FGD4: variants seen among roughly 807,000 people sequenced by gnomAD.
FGD4 encodes the protein FYVE, RhoGEF and PH domain-containing protein 4.
In FGD4, 42 loss-of-function variants were observed where a neutral mutation model predicts 102.0. That is an observed-to-expected ratio of 0.41 (90% CI 0.32 to 0.53). The LOEUF is 0.53. FGD4 is among the 20% of genes least tolerant of loss of function. FGD4 has a pLI of 0.21. For synonymous variants in FGD4, 380 were observed against 375.7 expected, an observed-to-expected ratio of 1.01 and a Z score of -0.13; for missense variants, 902 against 1,078.2, an observed-to-expected ratio of 0.84 and a Z score of 2.29.
At chr12:32,456,978 C>T (rs922720772) in intron 1 of FGD4, among the ~76,000 whole-genome samples, 8 of 152,080 alleles carry the variant, frequency 5.3e-5, no homozygotes, top group Admixed American at 5.2e-4. Flanking sequence ...TCTGTGTTGA[C>T]AGGATGATAT....
chr12:32,430,035 C>T (rs185681916), intron 1 of FGD4, among the ~76,000 whole-genome samples: 60 of 151,978 alleles, frequency 3.9e-4, no homozygotes, highest in Non-Finnish European at 5.7e-4. Context: ...GGGCTGGGCG[C>T]GCTGGCTTAT....
At chr12:32,605,655 T>G (rs1341845372) in intron 7 of FGD4, among the ~76,000 whole-genome samples, 4 of 152,206 alleles carry the variant, frequency 2.6e-5, no homozygotes, top group Non-Finnish European at 1.5e-5. Flanking sequence ...TCCCAAGCAT[T>G]TTTCCATCTG....
intron 1 of FGD4, among the ~76,000 whole-genome samples, chr12:32,517,026 C>A (rs1939963785): frequency 6.6e-6 from 1 of 152,190 alleles, no homozygotes; most frequent in Non-Finnish European, 1.5e-5. Flanking sequence ...CAAAAAGTTC[C>A]TAGATGCTTA....
chr12:32,432,051 ATTTTT>A (rs60933809), intron 1 of FGD4, among the ~76,000 whole-genome samples: 2 of 107,710 alleles, frequency 1.9e-5, no homozygotes, highest in African/African-American at 3.2e-5. Flanking sequence ...TAATCCTAGC[ATTTTT>A]TTTTTTTTTT....
intron 1 of FGD4, among the ~76,000 whole-genome samples, chr12:32,419,302 A>G (rs1444869996): frequency 6.6e-6 from 1 of 152,194 alleles, no homozygotes; most frequent in East Asian, 1.9e-4. Context: ...GTGCTGGGTC[A>G]CACCTGAAGC....
chr12:32,583,781 G>C (rs1946796977), intron 4 of FGD4, among the ~76,000 whole-genome samples: 1 of 152,314 alleles, frequency 6.6e-6, no homozygotes. Context: ...ATCTGAAACA[G>C]TAAAGAAACA....
chr12:32,410,073 A>G (rs962543106), intron 1 of FGD4, among the ~76,000 whole-genome samples: 3 of 152,026 alleles, frequency 2.0e-5, no homozygotes, highest in African/African-American at 7.2e-5. Context: ...TCACGCCTAT[A>G]ATCCCAGCAC....
intron 2 of FGD4, among the ~76,000 whole-genome samples, chr12:32,573,337 C>A (rs1405068963): frequency 6.6e-6 from 1 of 151,652 alleles, no homozygotes; most frequent in Non-Finnish European, 1.5e-5. Flanking sequence ...CCTCATGATC[C>A]GCCCGCCTTG....
chr12:32,600,768 G>A (rs540470910), intron 5 of FGD4, among the ~76,000 whole-genome samples: 1 of 151,928 alleles, frequency 6.6e-6, no homozygotes, highest in African/African-American at 2.4e-5. Flanking sequence ...CACTTGTTCT[G>A]TTGTGGGAAC....
chr12:32,596,748 C>T (rs1947922522), intron 4 of FGD4, among the ~76,000 whole-genome samples: 1 of 151,802 alleles, frequency 6.6e-6, no homozygotes, highest in South Asian at 2.1e-4. Context: ...CCAGCCTGAC[C>T]AACATGGAGA....
At chr12:32,447,677 T>A (rs1435424238) in intron 1 of FGD4, among the ~76,000 whole-genome samples, 1 of 152,208 alleles carries the variant, frequency 6.6e-6, no homozygotes, top group Non-Finnish European at 1.5e-5. Flanking sequence ...GTGACACAGG[T>A]CAGATCACTT....
chr12:32,521,041 G>T (rs935455179), intron 1 of FGD4, among the ~76,000 whole-genome samples: 1 of 152,126 alleles, frequency 6.6e-6, no homozygotes, highest in African/African-American at 2.4e-5. Flanking sequence ...AAAACAATGT[G>T]CATGGGAGCC....
intron 15 of FGD4, among the ~76,000 whole-genome samples, chr12:32,634,993 A>C (rs1950715189): frequency 2.6e-5 from 4 of 152,286 alleles, no homozygotes; most frequent in South Asian, 2.1e-4. Context: ...TCTCAAAAAA[A>C]AAAGAATCTC....
At chr12:32,435,352 G>A (rs1378083497) in intron 1 of FGD4, among the ~76,000 whole-genome samples, 1 of 152,140 alleles carries the variant, frequency 6.6e-6, no homozygotes, top group Non-Finnish European at 1.5e-5. Context: ...ATTTGGGTGA[G>A]TCAGTTTCTC....
chr12:32,537,453 A>T (rs1218192444), intron 1 of FGD4, among the ~76,000 whole-genome samples: 1 of 151,980 alleles, frequency 6.6e-6, no homozygotes. Flanking sequence ...GCCTGTGTGC[A>T]CCTCTAAAAA....
intron 1 of FGD4, among the ~76,000 whole-genome samples, chr12:32,402,972 C>T (rs186772534): frequency 4.6e-5 from 7 of 152,164 alleles, no homozygotes; most frequent in African/African-American, 1.7e-4. Flanking sequence ...TCTGTTCTTC[C>T]CCCTCATCAA....
At chr12:32,555,661 T>C (rs1482656921) in intron 1 of FGD4, among the ~76,000 whole-genome samples, 1 of 141,348 alleles carries the variant, frequency 7.1e-6, no homozygotes, top group African/African-American at 2.6e-5. Context: ...AAGCTCCGCC[T>C]CCCGGTTTCA....
At chr12:32,619,994 T>C in intron 11 of FGD4, 124 bp downstream of exon 11, 1 of 1,165,092 alleles carries the variant, frequency 8.6e-7, no homozygotes, top group South Asian at 1.3e-5. Flanking sequence ...TCTGGTTGGA[T>C]GTAAATGCAG....
intron 1 of FGD4, among the ~76,000 whole-genome samples, chr12:32,426,456 T>G (rs1032647245): frequency 5.9e-5 from 9 of 152,186 alleles, no homozygotes; most frequent in African/African-American, 2.2e-4. Flanking sequence ...TGCTGCTGGA[T>G]TCGGTTTACT....
Sources: allele counts gnomAD v4.1 joint callset (sites outside exome capture counted in the v4.1 genomes callset), GRCh38; gene constraint gnomAD v4.1.1; transcripts MANE v1.5; gene names NCBI Gene and HGNC (gene_info 2026-07-23, HGNC 2026-07-21).